Variants in PLK1 observed in about 807,000 individuals in gnomAD.
The protein encoded by PLK1 is polo like kinase 1, also known as serine/threonine-protein kinase PLK1.
Under a neutral mutation model 56.7 loss-of-function variants are expected in PLK1, and 6 were observed. That is an observed-to-expected ratio of 0.11 (90% CI 0.06 to 0.21). PLK1 has a LOEUF of 0.21. Ranked by LOEUF, PLK1 falls within the 10% of genes least tolerant of loss-of-function variation. PLK1 has a pLI of 1.00. For missense variants in PLK1, 546 were observed against 814.4 expected (o/e 0.67, Z 4.01); for synonymous variants, 298 against 325.0 (o/e 0.92, Z 0.89).
intron 1 of PLK1, chr16:23,679,701 G>C (rs1328776573): frequency 7.1e-6 from 2 of 280,200 alleles, no homozygotes; most frequent in Middle Eastern, 1.0e-3. Flanking sequence ...TTCTGGGGTG[G>C]AGCTGGGTCA....
chr16:23,690,139 G>A lies in PLK1; in HGVS notation c.*76G>A, dbSNP rs561786165. 3.0e-5 allele frequency: 35 copies of A among 1,185,590 alleles called. No homozygotes were observed. Among genetic ancestry groups the A allele is most frequent in the African/African-American group, 9.0e-5 (6 of 66,940 alleles). The allele number at this position is 1,185,590 out of a possible 1,614,324, so 73.4% of individuals were successfully genotyped here. ...GGGGCCCATACTGGTTGGCTCCCGC[G>A]GTGCCATGTCTGCAGTGTGCCCCCC... On this transcript the variant is annotated 3_prime_UTR_variant, in exon 10 of 10. Coordinates refer to ENST00000300093, the MANE Select transcript of PLK1 (RefSeq NM_005030.6).
In PLK1 at chr16:23,690,060, C is replaced by T. The variant is rs774551071; in HGVS notation, c.1809C>T (p.Ser603=). 1 of 1,606,900 alleles carries T rather than the reference C, an allele frequency of 6.2e-7. No individual in the cohort carries two copies. Among genetic ancestry groups the T allele is most frequent in the East Asian group, 2.2e-5 (1 of 44,866 alleles). ...SRSASNRLKA[S] ...CGGCCAGCAACCGTCTCAAGGCCTC[C>T]TAATAGCTGCCCTCCCCTCCGGACT... Residue 603 remains serine (S), a synonymous_variant, in exon 10 of 10, where the codon TCC becomes TCT. Coordinates refer to ENST00000300093, the MANE Select transcript of PLK1 (RefSeq NM_005030.6).
chr16:23,681,093 T>G, intron 3 of PLK1, 35 bp downstream of exon 3: 1 of 1,597,652 alleles, frequency 6.3e-7, no homozygotes, highest in African/African-American at 1.3e-5. Context: ...CAACCTGGTC[T>G]CAGCAGGGGC....
intron 6 of PLK1, among the ~76,000 whole-genome samples, chr16:23,688,228 A>G (rs906123402): frequency 6.6e-6 from 1 of 152,238 alleles, no homozygotes; most frequent in Non-Finnish European, 1.5e-5. Flanking sequence ...AATTACTCCA[A>G]ACTGGAAAAC....
rs753261853 is a variant in PLK1 at position 23,683,882 on chromosome 16, G to A, written c.829G>A (p.Val277Met). 40 of 1,613,712 alleles carry A rather than the reference G, an allele frequency of 2.5e-5. 1 individual carries two copies. The highest frequency in any genetic ancestry group is 2.3e-4 in the Admixed American group (14 of 59,996). The part of the protein sequence containing the change: ...EYSIPKHINP[V>M]AASLIQKMLQ... ...CTCTCTGCCCCAGCACATCAACCCC[G>A]TGGCCGCCTCCCTCATCCAGAAGAT... The change falls in exon 5 of 10, where the codon GTG becomes ATG. Residue 277 changes from valine (V) to methionine (M), a missense_variant. Physicochemically the swap from Val to Met is conservative, Grantham distance 21. Coordinates refer to ENST00000300093, the MANE Select transcript of PLK1 (RefSeq NM_005030.6).
intron 2 of PLK1, 96 bp downstream of exon 2, chr16:23,680,348 G>GT: frequency 1.0e-6 from 1 of 976,944 alleles, no homozygotes; most frequent in Non-Finnish European, 1.6e-6. Flanking sequence ...CCACAAGTCA[G>GT]TATCTTGCCT....
At chr16:23,687,174 C>G (rs1471122773) in intron 5 of PLK1, 1 of 221,632 alleles carries the variant, frequency 4.5e-6, no homozygotes. Flanking sequence ...ATTCTTTGCT[C>G]AAAGCTGGGC....
chr16:23,682,407 AAAC>A, intron 4 of PLK1, among the ~76,000 whole-genome samples: 1 of 152,334 alleles, frequency 6.6e-6, no homozygotes, highest in South Asian at 2.1e-4. Flanking sequence ...AAAAAGCAAA[AAAC>A]AAAGGAGGTA....
intron 2 of PLK1, among the ~76,000 whole-genome samples, 164 bp downstream of exon 2, chr16:23,680,416 A>T (rs1371651072): frequency 6.6e-6 from 1 of 152,024 alleles, no homozygotes; most frequent in South Asian, 2.1e-4. Flanking sequence ...AAAGAATTTG[A>T]ATTTGTTTTT....
intron 1 of PLK1, 53 bp downstream of exon 1, chr16:23,679,393 C>G (rs768949437): frequency 5.2e-6 from 8 of 1,537,602 alleles, no homozygotes; most frequent in African/African-American, 1.4e-5. Context: ...TTGGAGCGCC[C>G]AGACCTGGAG....
At chr16:23,679,759 G>A in intron 1 of PLK1, 1 of 294,946 alleles carries the variant, frequency 3.4e-6, no homozygotes, top group South Asian at 7.4e-5. Flanking sequence ...GGGGAGATAC[G>A]AGTCAGGAAA....
chr16:23,681,344 A>G (rs926261062), intron 3 of PLK1, among the ~76,000 whole-genome samples: 10 of 152,206 alleles, frequency 6.6e-5, no homozygotes, highest in African/African-American at 2.4e-4. Context: ...GGGCAGCATC[A>G]CCATCATCTG....
intron 3 of PLK1, among the ~76,000 whole-genome samples, 166 bp from the exon 4 acceptor site, chr16:23,681,898 A>G (rs749005024): frequency 2.0e-5 from 3 of 152,096 alleles, no homozygotes; most frequent in Non-Finnish European, 2.9e-5. Flanking sequence ...AGCCAATGTC[A>G]TGGCTTCTGG....
rs1215983066 is a variant in PLK1, at chr16:23,689,719, C to T, written c.1608+43C>T. The T allele has an allele frequency of 2.6e-6, 4 of 1,567,950 alleles. No homozygotes were observed. The highest frequency in any genetic ancestry group is 1.1e-5 in the South Asian group (1 of 87,986). ...AGGCGCAGGAGAGAGCTGGGGTAGG[C>T]TCCGCATGCCTGGCAGTGGCCCATG... On this transcript the variant is annotated intron_variant, in intron 9 of 9. Transcript: ENST00000300093. The surrounding 1 kb of genome is among the most constrained non-coding windows in gnomAD (Gnocchi z 4.8).
rs1959321294 is a variant in PLK1 at position 23,680,902 on chromosome 16, C to T, written c.578-12C>T. 1.9e-6 allele frequency: 3 copies of T among 1,604,466 alleles called. No homozygotes were observed. The highest frequency in any genetic ancestry group is 2.2e-5 in the South Asian group (2 of 89,240). ...GGCATCTAAGTACCAACTCTTCCTC[C>T]CTCTGTCCCAGGGGATTTTGGACTG... On this transcript the variant is annotated splice_polypyrimidine_tract_variant and intron_variant, in intron 2 of 9. Coordinates refer to ENST00000300093, the MANE Select transcript of PLK1 (RefSeq NM_005030.6).
Position 23,689,207 on chromosome 16 carries a change from C to A in PLK1, c.1271-31C>A. On this transcript the variant is annotated intron_variant, in intron 7 of 9. Transcript: ENST00000300093. The surrounding 1 kb of genome is among the most constrained non-coding windows in gnomAD (Gnocchi z 4.8). The stretch of plus-strand genomic sequence containing the variant: ...TCCCACTCCCCACTTTCTATTCCCC[C>A]TTTCTGAGACCTCTCTCCACCGATC... The A allele has an allele frequency of 6.3e-7, 1 of 1,588,810 alleles. No individual in the cohort carries two copies. The highest frequency in any genetic ancestry group is 8.6e-7 in the Non-Finnish European group (1 of 1,160,468).
intron 5 of PLK1, among the ~76,000 whole-genome samples, chr16:23,684,848 C>T (rs952526453): frequency 8.7e-5 from 13 of 150,092 alleles, no homozygotes; most frequent in African/African-American, 2.5e-4. Flanking sequence ...TTAGTAGAGA[C>T]GGGGTTTCAC....
intron 2 of PLK1, among the ~76,000 whole-genome samples, chr16:23,680,600 C>T (rs1451140172): frequency 1.3e-5 from 2 of 152,222 alleles, no homozygotes; most frequent in African/African-American, 4.8e-5. Flanking sequence ...CCTCCCTATT[C>T]TTCACAGACT....
In PLK1 at chr16:23,680,122, T is replaced by C; in HGVS notation, c.447T>C (p.Thr149=). 1 of 1,614,100 alleles carries C rather than the reference T, an allele frequency of 6.2e-7. No individual in the cohort carries two copies. Among genetic ancestry groups the C allele is most frequent in the South Asian group, 1.1e-5 (1 of 91,090 alleles). Residue 149 remains threonine, a synonymous_variant, in exon 2 of 10, where the codon ACT becomes ACC. Transcript: ENST00000300093. ...TGCACAAGAGGAGGAAAGCCCTGAC[T>C]GAGCCTGAGGCCCGATACTACCTAC... is the stretch of plus-strand genomic sequence containing the variant. ...LELHKRRKAL[T]EPEARYYLRQ...
Sources: allele counts gnomAD v4.1 joint callset (sites outside exome capture counted in the v4.1 genomes callset), GRCh38; gene constraint gnomAD v4.1.1; non-coding constraint Gnocchi (gnomAD v3.1); transcripts MANE v1.5; gene names NCBI Gene and HGNC (gene_info 2026-07-23, HGNC 2026-07-21).